The following BCAM variants were observed in gnomAD, a reference collection of about 807,000 sequenced individuals.
BCAM encodes the protein basal cell adhesion molecule (Lutheran blood group).
In BCAM, 61 loss-of-function variants were observed where a neutral mutation model predicts 72.4. That is an observed-to-expected ratio of 0.84 (90% confidence interval 0.69 to 1.04). The LOEUF is 1.04. Ranked by LOEUF, BCAM falls within the 50% of genes least tolerant of loss-of-function variation. The pLI is 0.00. For synonymous variants in BCAM, 408 were observed against 384.2 expected (o/e 1.06, Z -0.73); for missense variants, 909 against 895.0 (o/e 1.02, Z -0.20).
rs1179067848 is a variant in BCAM at position 44,814,025 on chromosome 19, A to T, written c.785-127A>T. 1 of 1,230,882 alleles carries T rather than the reference A, an allele frequency of 8.1e-7. No homozygotes were observed. The highest frequency in any genetic ancestry group is 1.5e-5 in the African/African-American group (1 of 65,872). 76.2% of individuals were successfully genotyped at this position (1,230,882 alleles called of 1,614,324 possible). On this transcript the variant is annotated intron_variant, in intron 6 of 14. Coordinates refer to ENST00000270233, the MANE Select transcript of BCAM (RefSeq NM_005581.5). This position sits in a 1 kb window ranked among gnomAD's most constrained non-coding sequence, Gnocchi z 4.6. ...AGAATAATTGTGAACCTGAGGCTTG[A>T]AACCTATGACCCGTAACCTTTGACC...
rs1377695770 is a variant in BCAM at position 44,820,698 on chromosome 19, C to G, written c.1764-7C>G. On this transcript the variant is annotated splice_region_variant and splice_polypyrimidine_tract_variant and intron_variant, in intron 13 of 14. Coordinates refer to ENST00000270233, the MANE Select transcript of BCAM (RefSeq NM_005581.5). ...CGACGCCTCCGCCCGCTGCCTCCTC[C>G]CCCCAGGCCGCCAGGGGAGCCAGGG... 6 of 1,405,426 alleles carry G rather than the reference C, an allele frequency of 4.3e-6. No homozygotes were observed. The highest frequency in any genetic ancestry group is 4.7e-6 in the Non-Finnish European group (5 of 1,075,188). 87.1% of individuals were successfully genotyped at this position (1,405,426 alleles called of 1,614,324 possible).
rs755129244 is a variant in BCAM, at chr19:44,818,925, T to G, written c.1336+43T>G. 7.5e-6 allele frequency: 12 copies of G among 1,605,826 alleles called. No individual in the cohort carries two copies. Among genetic ancestry groups the G allele is most frequent in the Admixed American group, 1.7e-5 (1 of 59,612 alleles). On this transcript the variant is annotated intron_variant, in intron 10 of 14. Transcript: ENST00000270233. This position sits in a 1 kb window ranked among gnomAD's most constrained non-coding sequence, Gnocchi z 4.6. ...GGGGTGGGCTTGGATGGGGACAGTGTGGGGTGTGGGACCTGGACAAACAGG... is the reference window on the plus strand; with the variant it reads ...GGGGTGGGCTTGGATGGGGACAGTGGGGGGTGTGGGACCTGGACAAACAGG...
At position 44,818,912 on chromosome 19, in the gene BCAM, G is replaced by GA. The variant is rs1420529630; in HGVS notation, c.1336+31dup. The GA allele has an allele frequency of 6.2e-7, 1 of 1,609,102 alleles. No individual in the cohort carries two copies. The highest frequency in any genetic ancestry group is 8.5e-7 in the Non-Finnish European group (1 of 1,177,590). On this transcript the variant is annotated intron_variant, in intron 10 of 14. Transcript: ENST00000270233. This position sits in a 1 kb window ranked among gnomAD's most constrained non-coding sequence, Gnocchi z 4.6. The stretch of plus-strand genomic sequence containing the variant: ...AGGGGGCAGGGAGGGGGTGGGCTTG[G>GA]ATGGGGACAGTGTGGGGTGTGGGAC...
In BCAM at chr19:44,818,972, T is replaced by C; in HGVS notation, c.1337-84T>C. 1 of 1,598,508 alleles carries C rather than the reference T, an allele frequency of 6.3e-7. No individual in the cohort carries two copies. Among genetic ancestry groups the C allele is most frequent in the Non-Finnish European group, 8.5e-7 (1 of 1,170,286 alleles). On this transcript the variant is annotated intron_variant, in intron 10 of 14. Transcript: ENST00000270233. The surrounding 1 kb of genome is among the most constrained non-coding windows in gnomAD (Gnocchi z 4.6). ...CAGGACGAGTTCCTGAGTCCCTGGC[T>C]GGGGACTCCATCTTCTGCTCGATGC...
In BCAM at chr19:44,818,763, G is replaced by T. The variant is rs766985414; in HGVS notation, c.1217G>T (p.Gly406Val). The T allele has an allele frequency of 1.2e-6, 2 of 1,613,906 alleles. No homozygotes were observed. Among genetic ancestry groups the T allele is most frequent in the African/African-American group, 1.3e-5 (1 of 74,890 alleles). Reference sequence around the variant, plus strand: ...CAGGACTCCACTCCCCTGGGCGATGGCCCCATGCTGTCGCTCAGTTCTATC... The same window carrying T: ...CAGGACTCCACTCCCCTGGGCGATGTCCCCATGCTGTCGCTCAGTTCTATC... The part of the protein sequence containing the change: ...WTKDSTPLGD[G>V]PMLSLSSITF... Residue 406 changes from glycine to valine, a missense_variant, in exon 10 of 15, where the codon GGC becomes GTC. Coordinates refer to ENST00000270233, the MANE Select transcript of BCAM (RefSeq NM_005581.5). The surrounding 1 kb of genome is among the most constrained non-coding windows in gnomAD (Gnocchi z 4.6).
At position 44,814,663 on chromosome 19, in the gene BCAM, G is replaced by T; in HGVS notation, c.981G>T (p.Val327=). 6.2e-7 allele frequency: 1 copy of T among 1,614,146 alleles called. No homozygotes were observed. The highest frequency in any genetic ancestry group is 2.2e-5 in the East Asian group (1 of 44,880). The change falls in exon 8 of 15, where the codon GTG becomes GTT. Residue 327 remains valine, a synonymous_variant. Coordinates refer to ENST00000270233, the MANE Select transcript of BCAM (RefSeq NM_005581.5). This position sits in a 1 kb window ranked among gnomAD's most constrained non-coding sequence, Gnocchi z 4.6. ...NLEGNLTLEG[V]TRGQSGTYGC... ...AGGGGAACTTGACCCTGGAGGGAGT[G>T]ACCCGGGGCCAGAGCGGGACCTATG...
Position 44,814,110 on chromosome 19 carries a change from CT to C in BCAM, c.785-40del. The stretch of plus-strand genomic sequence containing the variant: ...TCTCGCCTGTCCTCTAGCCTTGACC[CT>C]TCCCCTGATCACAATTCCCATCTCC... On this transcript the variant is annotated intron_variant, in intron 6 of 14. Coordinates refer to ENST00000270233, the MANE Select transcript of BCAM (RefSeq NM_005581.5). The surrounding 1 kb of genome is among the most constrained non-coding windows in gnomAD (Gnocchi z 4.6). 6.5e-7 allele frequency: 1 copy of C among 1,548,678 alleles called. No individual in the cohort carries two copies. Among genetic ancestry groups the C allele is most frequent in the Non-Finnish European group, 8.7e-7 (1 of 1,155,072 alleles).
In BCAM at chr19:44,814,635, T is replaced by G; in HGVS notation, c.953T>G (p.Leu318Arg). Residue 318 changes from leucine (L) to arginine (R), a missense_variant, in exon 8 of 15, where the codon CTC becomes CGC. Transcript: ENST00000270233. This position sits in a 1 kb window ranked among gnomAD's most constrained non-coding sequence, Gnocchi z 4.6. Reference sequence around the variant, plus strand: ...CAGGAGGAAGTGCTGAATGTGAATCTCGAGGGGAACTTGACCCTGGAGGGA... The same window carrying G: ...CAGGAGGAAGTGCTGAATGTGAATCGCGAGGGGAACTTGACCCTGGAGGGA... The part of the protein sequence containing the change: ...DEQEEVLNVN[L>R]EGNLTLEGVT... 1 of 1,613,942 alleles carries G rather than the reference T, an allele frequency of 6.2e-7. No homozygotes were observed. The highest frequency in any genetic ancestry group is 1.1e-5 in the South Asian group (1 of 91,070).
Position 44,819,487 on chromosome 19 carries a change from A to T in BCAM, c.1615A>T (p.Thr539Ser). 1 of 1,613,654 alleles carries T rather than the reference A, an allele frequency of 6.2e-7. No individual in the cohort carries two copies. The highest frequency in any genetic ancestry group is 8.5e-7 in the Non-Finnish European group (1 of 1,179,824). Residue 539 changes from threonine to serine, a missense_variant, in exon 12 of 15, where the codon ACC becomes TCC. Coordinates refer to ENST00000270233, the MANE Select transcript of BCAM (RefSeq NM_005581.5). ...GNKRHVFHFG[T>S]VSPQTSQAGV... ...CAAGCGCCATGTCTTCCACTTCGGC[A>T]CCGGTGAGTGACTGAGGTGGTGGCA...
rs1968443440 is a variant in BCAM, at chr19:44,812,823, A to C, written c.504+275A>C. 2.1e-6 allele frequency: 1 copy of C among 475,622 alleles called. No homozygotes were observed. The highest frequency in any genetic ancestry group is 2.0e-5 in the African/African-American group (1 of 50,816). The allele number at this position is 475,622 out of a possible 1,614,324, so 29.5% of individuals were successfully genotyped here. A position where few individuals can be genotyped will look rare whatever the true frequency, so the allele number is the denominator to read the frequency against. ...AAATTAGCTGGGTGTGTTGGTGTGC[A>C]ACTGTAATCCCAGCTGCTCGGGAGG... On this transcript the variant is annotated intron_variant, in intron 4 of 14. Transcript: ENST00000270233. This position sits in a 1 kb window ranked among gnomAD's most constrained non-coding sequence, Gnocchi z 5.3.
Position 44,811,362 on chromosome 19 carries a change from T to TG in BCAM, c.204+22dup. The TG allele has an allele frequency of 6.2e-7, 1 of 1,611,706 alleles. No homozygotes were observed. Among genetic ancestry groups the TG allele is most frequent in the Non-Finnish European group, 8.5e-7 (1 of 1,178,784 alleles). On this transcript the variant is annotated intron_variant, in intron 2 of 14. Coordinates refer to ENST00000270233, the MANE Select transcript of BCAM (RefSeq NM_005581.5). ...ATGGTTCCTTGTGAGTGCTTGGGGC[T>TG]GGGGGGCCTGGAGTCAGGGCACAGC...
rs28399619 is a variant in BCAM at position 44,815,387 on chromosome 19, A to G, written c.1078+627A>G. Among the ~76,000 whole-genome samples, 677 of 152,338 alleles carry G rather than the reference A, an allele frequency of 4.4e-3. 6 individuals are homozygous for G. The highest frequency in any genetic ancestry group is 0.015 in the African/African-American group (637 of 41,586). On this transcript the variant is annotated intron_variant, in intron 8 of 14. Coordinates refer to ENST00000270233, the MANE Select transcript of BCAM (RefSeq NM_005581.5). Reference sequence around the variant, plus strand: ...CTTCTTACATATCCCTTCCTGGGGTAGACCCTGCGCCAGATGCTGGGGACA... The same window carrying G: ...CTTCTTACATATCCCTTCCTGGGGTGGACCCTGCGCCAGATGCTGGGGACA...
chr19:44,814,342 G>T lies in BCAM; in HGVS notation c.921+54G>T. The T allele has an allele frequency of 6.4e-7, 1 of 1,551,160 alleles. No individual in the cohort carries two copies. Among genetic ancestry groups the T allele is most frequent in the South Asian group, 1.2e-5 (1 of 82,910 alleles). On this transcript the variant is annotated intron_variant, in intron 7 of 14. Coordinates refer to ENST00000270233, the MANE Select transcript of BCAM (RefSeq NM_005581.5). The surrounding 1 kb of genome is among the most constrained non-coding windows in gnomAD (Gnocchi z 4.6). ...CCACCCCCCAGCCCCTGACCTCTGT[G>T]ACCTGCTAACCTGCATAACTTCTAA... is the stretch of plus-strand genomic sequence containing the variant.
At chr19:44,817,557 T>G in intron 8 of BCAM, among the ~76,000 whole-genome samples, 1 of 151,488 alleles carries the variant, frequency 6.6e-6, no homozygotes, top group East Asian at 1.9e-4. Flanking sequence ...TTGTTTTTTT[T>G]TTTTTGAGTC....
rs1329170536 is a variant in BCAM at position 44,821,026 on chromosome 19, C to T, written c.*105C>T. The T allele has an allele frequency of 1.5e-6, 2 of 1,362,348 alleles. No individual in the cohort carries two copies. The highest frequency in any genetic ancestry group is 1.7e-5 in the South Asian group (1 of 59,982). 84.4% of individuals were successfully genotyped at this position (1,362,348 alleles called of 1,614,324 possible). ...CCCCGCCTTCCCTCTTCCCTCTTCC[C>T]TCTCCCTGCCCAGCCCTCCCTTCCT... On this transcript the variant is annotated 3_prime_UTR_variant, in exon 15 of 15. Coordinates refer to ENST00000270233, the MANE Select transcript of BCAM (RefSeq NM_005581.5).
Position 44,818,976 on chromosome 19 carries a change from G to A in BCAM, c.1337-80G>A. The A allele has an allele frequency of 5.6e-6, 9 of 1,599,218 alleles. No individual in the cohort carries two copies. The South Asian group carries it at 1.0e-4, about 18-fold the overall frequency. ...ACGAGTTCCTGAGTCCCTGGCTGGGGACTCCATCTTCTGCTCGATGCCTCT... is the reference window on the plus strand; with the variant it reads ...ACGAGTTCCTGAGTCCCTGGCTGGGAACTCCATCTTCTGCTCGATGCCTCT... On this transcript the variant is annotated intron_variant, in intron 10 of 14. Coordinates refer to ENST00000270233, the MANE Select transcript of BCAM (RefSeq NM_005581.5). This position sits in a 1 kb window ranked among gnomAD's most constrained non-coding sequence, Gnocchi z 4.6.
chr19:44,812,212 G>T lies in BCAM; in HGVS notation c.254G>T (p.Gly85Val), dbSNP rs372076542. The T allele has an allele frequency of 1.9e-6, 3 of 1,607,060 alleles. No homozygotes were observed. The highest frequency in any genetic ancestry group is 1.3e-5 in the African/African-American group (1 of 74,392). ...RPRLASAEMQ[G>V]SELQVTMHDT... is the part of the protein sequence containing the mutation. ...CGCCTAGCCTCGGCTGAGATGCAGG[G>T]CTCTGAGCTCCAGGTCACAATGCAC... The change falls in exon 3 of 15, where the codon GGC becomes GTC. Residue 85 changes from glycine to valine, a missense_variant. Transcript: ENST00000270233. The surrounding 1 kb of genome is among the most constrained non-coding windows in gnomAD (Gnocchi z 5.3).
chr19:44,820,643 T>C (rs2122572208), intron 13 of BCAM, 62 bp from the exon 14 acceptor site: 1 of 1,278,152 alleles, frequency 7.8e-7, no homozygotes, highest in Non-Finnish European at 1.0e-6. Flanking sequence ...CCATCCTCAG[T>C]TCCTCCCCCT....
Position 44,811,847 on chromosome 19 carries a change from T to C in BCAM, c.205-316T>C, listed in dbSNP as rs1968424644. Reference sequence around the variant, plus strand: ...TTGCAGTGAGCCGAGATCGAGCCAATGCTCTCCAGCCAGGCGACAGAGCAA... The same window carrying C: ...TTGCAGTGAGCCGAGATCGAGCCAACGCTCTCCAGCCAGGCGACAGAGCAA... On this transcript the variant is annotated intron_variant, in intron 2 of 14. Coordinates refer to ENST00000270233, the MANE Select transcript of BCAM (RefSeq NM_005581.5). The C allele has an allele frequency of 1.4e-5, 6 of 434,986 alleles. No individual in the cohort carries two copies. The South Asian group carries it at 1.4e-4, about 10-fold the overall frequency. 26.9% of individuals were successfully genotyped at this position (434,986 alleles called of 1,614,324 possible). A position where few individuals can be genotyped will look rare whatever the true frequency, so the allele number is the denominator to read the frequency against.
Sources: gnomAD v4.1 joint callset for allele counts (sites outside exome capture counted in the v4.1 genomes callset) on GRCh38, gnomAD v4.1.1 for gene constraint, Gnocchi (gnomAD v3.1) non-coding constraint, MANE v1.5 for transcripts, NCBI Gene and HGNC (gene_info 2026-07-23, HGNC 2026-07-21) for gene names.